KIF4A: variants seen among roughly 807,000 people sequenced by gnomAD.
The protein encoded by KIF4A is chromosome-associated kinesin KIF4A.
A neutral mutation model predicts 105.9 loss-of-function variants in KIF4A; 7 were observed. The observed-to-expected ratio is 0.07, with a 90% CI of 0.04 to 0.12. KIF4A has a LOEUF of 0.12. Among genes scored for constraint, KIF4A ranks in the 10% least tolerant of loss-of-function variants. KIF4A has a pLI of 1.00. For missense variants in KIF4A, 558 were observed against 929.2 expected (o/e 0.60, Z 5.19); for synonymous variants, 281 against 331.3 (o/e 0.85, Z 1.65).
chrX:70,368,924 T>C (rs1206475803), intron 15 of KIF4A, among the ~76,000 whole-genome samples: 1 of 111,895 alleles, frequency 8.9e-6, no homozygotes, highest in East Asian at 2.8e-4. Flanking sequence ...GCCTCTTTGT[T>C]TACCTACTCA....
intron 7 of KIF4A, among the ~76,000 whole-genome samples, chrX:70,310,029 T>C (rs974194384): frequency 1.8e-5 from 2 of 112,273 alleles, no homozygotes; most frequent in African/African-American, 6.5e-5. Context: ...GGTGACAGAG[T>C]GAGACTCTTT....
chrX:70,373,533 T>C (rs1441030306), intron 15 of KIF4A, among the ~76,000 whole-genome samples: 3 of 28,732 alleles, frequency 1.0e-4, no homozygotes, highest in Non-Finnish European at 1.5e-4. Context: ...TGTATATATA[T>C]ATATATATAT....
chrX:70,373,573 TATACGTGTATATATATAC>T (rs2086155085), intron 15 of KIF4A, among the ~76,000 whole-genome samples: 1 of 41,897 alleles, frequency 2.4e-5, no homozygotes, highest in Non-Finnish European at 4.4e-5. Flanking sequence ...TATATACATA[TATACGTGTATATATATAC>T]GTATATATAT....
At chrX:70,347,812 A>G (rs1482608585) in intron 13 of KIF4A, among the ~76,000 whole-genome samples, 1 of 97,706 alleles carries the variant, frequency 1.0e-5, no homozygotes, top group Non-Finnish European at 2.0e-5. Context: ...CGTCTCTACT[A>G]AAAATACAAA....
chrX:70,363,810 T>C (rs906107641), intron 15 of KIF4A, among the ~76,000 whole-genome samples: 2 of 112,109 alleles, frequency 1.8e-5, no homozygotes. Context: ...CCCTGAGGAA[T>C]CGCCACACTG....
At chrX:70,355,711 C>T (rs1057188963) in intron 15 of KIF4A, among the ~76,000 whole-genome samples, 2 of 110,839 alleles carry the variant, frequency 1.8e-5, no homozygotes, top group African/African-American at 6.6e-5. Context: ...TTGGGGTGAG[C>T]GCCCGGTGCA....
At chrX:70,324,327 A>T (rs888787114) in intron 7 of KIF4A, among the ~76,000 whole-genome samples, 10 of 112,201 alleles carry the variant, frequency 8.9e-5, no homozygotes, top group African/African-American at 3.2e-4. Flanking sequence ...AGTTCCTTAA[A>T]AGCAGAGACC....
chrX:70,338,042 A>G (rs770684754), intron 10 of KIF4A, among the ~76,000 whole-genome samples: 5 of 111,764 alleles, frequency 4.5e-5, no homozygotes, highest in Non-Finnish European at 9.4e-5. Context: ...CTCTGAATTT[A>G]TCAGTTGTCT....
rs745454237 is a variant in KIF4A, at chrX:70,368,570, G to T, written c.1675-5581G>T. Among the ~76,000 whole-genome samples, 5 of 112,031 alleles carry T rather than the reference G, an allele frequency of 4.5e-5. No individual in the cohort carries two copies. The East Asian group carries it at 1.1e-3, about 25-fold the overall frequency. ...CGGAGGCTGCAGATCAGGGGATATTGGTGGACACCAAATGTCGCTGCCTGA... is the reference window on the plus strand; with the variant it reads ...CGGAGGCTGCAGATCAGGGGATATTTGTGGACACCAAATGTCGCTGCCTGA... On this transcript the variant is annotated intron_variant, in intron 15 of 30. Transcript: ENST00000374403.
Position 70,299,918 on chromosome X carries a change from G to A in KIF4A, c.516+716G>A, listed in dbSNP as rs146883345. Among the ~76,000 whole-genome samples, 11 of 112,223 alleles carry A rather than the reference G, an allele frequency of 9.8e-5. No individual in the cohort carries two copies. The East Asian group carries it at 2.8e-3, about 28-fold the overall frequency. ...GAGGAGCTAGAACTGAACAGAAAAT[G>A]TGAGGCAAAATTGAGAGTTTCCTAT... is the stretch of plus-strand genomic sequence containing the variant. On this transcript the variant is annotated intron_variant, in intron 5 of 30. Transcript: ENST00000374403.
At position 70,290,427 on chromosome X, in the gene KIF4A, C is replaced by T. The variant is rs1157010750; in HGVS notation, c.-21-11C>T. On this transcript the variant is annotated splice_polypyrimidine_tract_variant and intron_variant, in intron 1 of 30. Transcript: ENST00000374403. ...ACATTCATCAGCGAGCCTTCTTTTTCCCCCTCGCAGAGACGGTGCTGAGAT... is the reference window on the plus strand; with the variant it reads ...ACATTCATCAGCGAGCCTTCTTTTTTCCCCTCGCAGAGACGGTGCTGAGAT... 8.4e-7 allele frequency: 1 copy of T among 1,193,383 alleles called. No individual in the cohort carries two copies. Among genetic ancestry groups the T allele is most frequent in the Non-Finnish European group, 1.1e-6 (1 of 886,020 alleles).
chrX:70,332,814 T>G (rs1263341165), intron 9 of KIF4A, among the ~76,000 whole-genome samples: 4 of 111,061 alleles, frequency 3.6e-5, no homozygotes, highest in Non-Finnish European at 7.6e-5. Context: ...TAGGAGGGAA[T>G]GGGAGAGGAT....
At chrX:70,380,579 T>C (rs2086193663) in intron 18 of KIF4A, among the ~76,000 whole-genome samples, 1 of 112,007 alleles carries the variant, frequency 8.9e-6, no homozygotes, top group East Asian at 2.8e-4. Flanking sequence ...TCATACTTAA[T>C]GGTGAAAAAG....
chrX:70,380,744 G>A (rs1012588304), intron 18 of KIF4A, among the ~76,000 whole-genome samples: 7 of 112,198 alleles, frequency 6.2e-5, no homozygotes, highest in Non-Finnish European at 1.3e-4. Flanking sequence ...GACTATCTCT[G>A]TTTATAGATG....
intron 15 of KIF4A, among the ~76,000 whole-genome samples, chrX:70,369,101 C>T (rs778352027): frequency 8.9e-5 from 10 of 112,329 alleles, no homozygotes; most frequent in Non-Finnish European, 1.5e-4. Context: ...TTTGGAAAAG[C>T]GCAGTATTAG....
intron 15 of KIF4A, among the ~76,000 whole-genome samples, chrX:70,369,063 A>G (rs780373062): frequency 1.8e-5 from 2 of 112,207 alleles, no homozygotes; most frequent in Admixed American, 9.4e-5. Context: ...GTGGGATACA[A>G]TCTTCTGGTG....
intron 7 of KIF4A, among the ~76,000 whole-genome samples, chrX:70,310,657 C>G (rs553555711): frequency 9.0e-6 from 1 of 111,219 alleles, no homozygotes; most frequent in Admixed American, 9.6e-5. Flanking sequence ...TAACAGTTCT[C>G]TAACATGGTT....
chrX:70,403,751 G>A (rs2147738399), intron 23 of KIF4A, 113 bp from the exon 24 acceptor site: 2 of 617,388 alleles, frequency 3.2e-6, no homozygotes, highest in South Asian at 6.3e-5. Context: ...ACTTGAACAT[G>A]GAGGAATTTT....
chrX:70,352,618 A>G lies in KIF4A; in HGVS notation c.1450A>G (p.Met484Val). Residue 484 changes from methionine to valine, a missense_variant, in exon 14 of 31, where the codon ATG becomes GTG. Physicochemically the swap from Met to Val is conservative, Grantham distance 21. This residue lies in a region of KIF4A where 469 missense variants were observed against 680.4 expected (regional missense o/e 0.69). Coordinates refer to ENST00000374403, the MANE Select transcript of KIF4A (RefSeq NM_012310.5). ...ACTGCAGGATGAAACTGTTGCTTGCATGGCTGCAGCCATTGATACTGCGGT... is the reference window on the plus strand; with the variant it reads ...ACTGCAGGATGAAACTGTTGCTTGCGTGGCTGCAGCCATTGATACTGCGGT... ...TQLSDETVAC[M>V]AAAIDTAVEQ... 1.7e-6 allele frequency: 2 copies of G among 1,205,636 alleles called. No homozygotes were observed. The highest frequency in any genetic ancestry group is 1.7e-5 in the African/African-American group (1 of 57,860).
Sources: allele counts gnomAD v4.1 joint callset (sites outside exome capture counted in the v4.1 genomes callset), GRCh38; gene constraint gnomAD v4.1.1; regional missense constraint gnomAD v4.1.1; transcripts MANE v1.5; gene names NCBI Gene and HGNC (gene_info 2026-07-23, HGNC 2026-07-21).